RFX3: variants seen among roughly 807,000 people sequenced by gnomAD.
RFX3 encodes transcription factor RFX3.
Under a neutral mutation model 98.6 loss-of-function variants are expected in RFX3, and 14 were observed. The observed-to-expected ratio is 0.14, with a 90% CI of 0.09 to 0.22. RFX3 has a LOEUF of 0.22. Ranked by LOEUF, RFX3 falls within the 10% of genes least tolerant of loss-of-function variation. The pLI is 1.00. For synonymous variants in RFX3, 383 were observed against 328.4 expected, an observed-to-expected ratio of 1.17 and a Z score of -1.80; for missense variants, 639 against 926.9, an observed-to-expected ratio of 0.69 and a Z score of 4.03.
chr9:3,273,791 G>A (rs1331226609), intron 9 of RFX3, among the ~76,000 whole-genome samples: 1 of 151,494 alleles, frequency 6.6e-6, no homozygotes, highest in East Asian at 1.9e-4. Context: ...CTTGAACCCA[G>A]GAGGCGGTGG....
chr9:3,430,136 A>C (rs927421622), intron 1 of RFX3, among the ~76,000 whole-genome samples: 6 of 152,222 alleles, frequency 3.9e-5, no homozygotes, highest in Admixed American at 6.5e-5. Context: ...TCAACGAGAA[A>C]AGGGTATGTA....
intron 1 of RFX3, among the ~76,000 whole-genome samples, chr9:3,508,331 A>G (rs1022318953): frequency 6.6e-6 from 1 of 151,960 alleles, no homozygotes; most frequent in Non-Finnish European, 1.5e-5. Context: ...CATTTGAATT[A>G]CACTTTCAAT....
intron 4 of RFX3, among the ~76,000 whole-genome samples, chr9:3,327,440 A>G (rs990280882): frequency 6.6e-6 from 1 of 152,168 alleles, no homozygotes; most frequent in Non-Finnish European, 1.5e-5. Flanking sequence ...ACTTTTCAAT[A>G]ATCAATTCAA....
chr9:3,282,805 A>AT (rs1826082906), intron 7 of RFX3, among the ~76,000 whole-genome samples: 1 of 151,842 alleles, frequency 6.6e-6, no homozygotes, highest in East Asian at 1.9e-4. Context: ...AACAACAACA[A>AT]AAAAGGCAAC....
chr9:3,247,477 CAG>C, intron 15 of RFX3: 1 of 682,510 alleles, frequency 1.5e-6, no homozygotes, highest in Non-Finnish European at 1.8e-6. Context: ...TATTGTAAAA[CAG>C]AATAAAGTAG....
intron 1 of RFX3, among the ~76,000 whole-genome samples, chr9:3,520,452 T>C (rs944948926): frequency 1.3e-5 from 2 of 152,126 alleles, no homozygotes; most frequent in Non-Finnish European, 2.9e-5. Context: ...TATATTGCTG[T>C]GAAAAGAGTC....
At chr9:3,300,312 ATT>A (rs1419175094) in intron 5 of RFX3, among the ~76,000 whole-genome samples, 3 of 151,792 alleles carry the variant, frequency 2.0e-5, no homozygotes, top group African/African-American at 7.2e-5. Context: ...TGTATGTATA[ATT>A]TGTCACCAAA....
intron 1 of RFX3, among the ~76,000 whole-genome samples, chr9:3,514,139 A>G (rs1038157085): frequency 6.6e-6 from 1 of 152,218 alleles, no homozygotes; most frequent in African/African-American, 2.4e-5. Flanking sequence ...AATTGCTCAC[A>G]AAACTACACG....
chr9:3,333,338 T>C (rs10971449), intron 3 of RFX3, among the ~76,000 whole-genome samples: 8,184 of 152,066 alleles, frequency 0.054, 441 homozygotes, highest in African/African-American at 0.15. Context: ...CTGAAAGTAT[T>C]CCACACTGGG....
chr9:3,516,442 C>T (rs1818178800), intron 1 of RFX3, among the ~76,000 whole-genome samples: 1 of 152,064 alleles, frequency 6.6e-6, no homozygotes, highest in Non-Finnish European at 1.5e-5. Context: ...GAATGCTTAT[C>T]CAAGTATAAA....
intron 1 of RFX3, among the ~76,000 whole-genome samples, chr9:3,435,578 A>G (rs1050775972): frequency 2.6e-5 from 4 of 151,864 alleles, no homozygotes; most frequent in African/African-American, 9.7e-5. Flanking sequence ...GCAGTTCATG[A>G]CTGCATTTTA....
intron 1 of RFX3, among the ~76,000 whole-genome samples, chr9:3,522,243 G>A (rs1236089875): frequency 1.3e-5 from 2 of 152,042 alleles, no homozygotes; most frequent in Admixed American, 6.6e-5. Flanking sequence ...ACTTAATCTT[G>A]GATTTCCAAA....
intron 7 of RFX3, among the ~76,000 whole-genome samples, chr9:3,277,691 C>T (rs1461698122): frequency 6.6e-6 from 1 of 151,854 alleles, no homozygotes; most frequent in Non-Finnish European, 1.5e-5. Context: ...TTTTGGAAAT[C>T]CAGAAATTTA....
chr9:3,348,802 T>C (rs1346504218), intron 2 of RFX3, among the ~76,000 whole-genome samples: 2 of 152,122 alleles, frequency 1.3e-5, no homozygotes, highest in Non-Finnish European at 2.9e-5. Context: ...TGTCCCATTG[T>C]TGGCCAATGG....
chr9:3,323,052 G>A (rs7020882), intron 4 of RFX3, among the ~76,000 whole-genome samples: 9,276 of 152,184 alleles, frequency 0.061, 933 homozygotes, highest in African/African-American at 0.21. Flanking sequence ...CCTATGTCAT[G>A]AAATTTACTG....
chr9:3,247,830 C>T lies in RFX3; in HGVS notation c.1968+202G>A, dbSNP rs375921731. On this transcript the variant is annotated intron_variant, in intron 15 of 16. Transcript: ENST00000617270. ...TCCATGAACTTTCACATGATATAAT[C>T]CACAATTTTAGAATCTTTTGATTAA... 3.1e-6 allele frequency: 5 copies of T among 1,605,480 alleles called. No individual in the cohort carries two copies. In the East Asian group the frequency reaches 1.1e-4, roughly 36 times the overall value.
intron 1 of RFX3, among the ~76,000 whole-genome samples, chr9:3,442,673 G>T (rs2132709291): frequency 6.6e-6 from 1 of 152,260 alleles, no homozygotes; most frequent in East Asian, 1.9e-4. Context: ...AGGAATGGGG[G>T]TATATGGGAA....
chr9:3,350,351 T>C (rs935452940), intron 2 of RFX3, among the ~76,000 whole-genome samples: 3 of 152,132 alleles, frequency 2.0e-5, no homozygotes, highest in African/African-American at 7.2e-5. Flanking sequence ...TATTCTCCCA[T>C]CATAAGATAC....
chr9:3,523,807 A>T (rs559848912), intron 1 of RFX3, among the ~76,000 whole-genome samples: 9 of 152,308 alleles, frequency 5.9e-5, no homozygotes, highest in African/African-American at 1.9e-4. Flanking sequence ...ATTTGCATGG[A>T]ACCCAGTTTG....
Sources: gnomAD v4.1 joint callset for allele counts (sites outside exome capture counted in the v4.1 genomes callset) on GRCh38, gnomAD v4.1.1 for gene constraint, MANE v1.5 for transcripts, NCBI Gene and HGNC (gene_info 2026-07-23, HGNC 2026-07-21) for gene names.